The following MTUS2 variants were observed in gnomAD, a reference collection of about 807,000 sequenced individuals.
The protein encoded by MTUS2 is microtubule-associated tumor suppressor candidate 2.
MTUS2 carries 40 observed loss-of-function variants against 114.1 expected under a neutral mutation model. That is an observed-to-expected ratio of 0.35 (90% confidence interval 0.27 to 0.46). The LOEUF is 0.46. Ranked by LOEUF, MTUS2 falls within the 20% of genes least tolerant of loss-of-function variation. The probability of loss-of-function intolerance (pLI) is 1.00; values close to 1 mark genes in which losing one functional copy is unlikely to be tolerated. For synonymous variants in MTUS2, 688 were observed against 672.0 expected (o/e 1.02, Z -0.37); for missense variants, 1,679 against 1,705.4 (o/e 0.98, Z 0.27).
chr13:29,375,322 CTT>C (rs1180015947), intron 8 of MTUS2, among the ~76,000 whole-genome samples: 1 of 149,826 alleles, frequency 6.7e-6, no homozygotes, highest in African/African-American at 2.5e-5. Flanking sequence ...AAAGCCATTA[CTT>C]TTGCGGTTTT....
intron 2 of MTUS2, among the ~76,000 whole-genome samples, chr13:28,928,935 C>T (rs958347277): frequency 2.0e-4 from 31 of 152,124 alleles, no homozygotes; most frequent in Admixed American, 1.1e-3. Context: ...CTGAAACACA[C>T]GTGTACACAT....
chr13:29,141,675 C>T (rs143713377), intron 5 of MTUS2, among the ~76,000 whole-genome samples: 31 of 152,168 alleles, frequency 2.0e-4, no homozygotes, highest in African/African-American at 7.0e-4. Flanking sequence ...GTCAAAGGTG[C>T]TTAAATAAAC....
At chr13:28,900,639 G>A (rs182315855) in intron 2 of MTUS2, among the ~76,000 whole-genome samples, 6 of 152,288 alleles carry the variant, frequency 3.9e-5, no homozygotes, top group Admixed American at 3.9e-4. Context: ...CTGCTGAGTA[G>A]TAGTAATGAT....
At chr13:28,915,570 A>G (rs775137889) in intron 2 of MTUS2, among the ~76,000 whole-genome samples, 18 of 151,898 alleles carry the variant, frequency 1.2e-4, no homozygotes, top group Non-Finnish European at 2.5e-4. Flanking sequence ...ACCTTTTCAC[A>G]AGCCTGTTTG....
chr13:29,407,444 GTACTTATTTATT>G (rs1433400174), intron 8 of MTUS2, among the ~76,000 whole-genome samples: 1 of 136,482 alleles, frequency 7.3e-6, no homozygotes, highest in African/African-American at 2.7e-5. Context: ...CAGAGTGATT[GTACTTATTTATT>G]TATTTATTTA....
intron 5 of MTUS2, among the ~76,000 whole-genome samples, chr13:29,114,645 C>A (rs747657848): frequency 6.6e-5 from 10 of 152,106 alleles, no homozygotes; most frequent in Non-Finnish European, 1.5e-4. Flanking sequence ...AGTAAGATGG[C>A]CATGGTAGGG....
At position 29,186,107 on chromosome 13, in the gene MTUS2, A is replaced by C. The variant is rs565202437; in HGVS notation, c.2644+85137A>C. ...CACATGCATGTAGTCCTAGCTACTT[A>C]GGAGGCTGAGGTGGGAAGATTGCCC... On this transcript the variant is annotated intron_variant, in intron 5 of 15. Transcript: ENST00000612955. Among the ~76,000 whole-genome samples the C allele has an allele frequency of 1.9e-4, 29 of 152,284 alleles. 1 individual carries two copies. Among genetic ancestry groups the C allele is most frequent in the Middle Eastern group, 3.4e-3 (1 of 294 alleles).
intron 2 of MTUS2, among the ~76,000 whole-genome samples, chr13:28,848,601 G>A (rs1876039336): frequency 6.6e-6 from 1 of 151,722 alleles, no homozygotes; most frequent in Admixed American, 6.6e-5. Flanking sequence ...AGTAACAAGG[G>A]GTGTGATTAT....
At chr13:29,307,741 A>T in intron 6 of MTUS2, 1 of 1,114,112 alleles carries the variant, frequency 9.0e-7, no homozygotes, top group Non-Finnish European at 1.3e-6. Context: ...TGGCTACAGC[A>T]ACAGGGTGAT....
Position 28,828,627 on chromosome 13 carries a change from G to A in MTUS2, c.-316+8016G>A, listed in dbSNP as rs187067203. Among the ~76,000 whole-genome samples, 46 of 152,000 alleles carry A rather than the reference G, an allele frequency of 3.0e-4. No individual in the cohort carries two copies. The East Asian group carries it at 6.4e-3, about 21-fold the overall frequency. ...ATGGCTTCAGCCGGTCCCTCCGTTC[G>A]GGGTCCCTGACTTCCTGCAACACTC... On this transcript the variant is annotated intron_variant, in intron 1 of 15. Transcript: ENST00000612955.
intron 1 of MTUS2, among the ~76,000 whole-genome samples, chr13:28,827,400 T>G (rs1363610705): frequency 1.3e-5 from 2 of 152,224 alleles, no homozygotes. Context: ...TTGAAGTTAT[T>G]TTAATATAAA....
intron 2 of MTUS2, among the ~76,000 whole-genome samples, chr13:28,945,190 T>TATATATATACATACATAC (rs1566242156): frequency 6.7e-6 from 1 of 149,062 alleles, no homozygotes; most frequent in African/African-American, 2.6e-5. Flanking sequence ...TATATATATA[T>TATATATATACATACATAC]ATATACACCA....
intron 5 of MTUS2, among the ~76,000 whole-genome samples, chr13:29,130,991 C>T (rs1422679900): frequency 6.6e-6 from 1 of 152,136 alleles, no homozygotes; most frequent in African/African-American, 2.4e-5. Flanking sequence ...GGGAGAGATC[C>T]TCATCCCTTT....
chr13:29,304,526 G>T (rs1369730135), intron 6 of MTUS2, among the ~76,000 whole-genome samples: 1 of 151,908 alleles, frequency 6.6e-6, no homozygotes, highest in East Asian at 1.9e-4. Flanking sequence ...AACCAACAAA[G>T]ATAAAAAAAG....
chr13:29,072,694 C>T (rs1354943735), intron 4 of MTUS2, among the ~76,000 whole-genome samples: 1 of 152,124 alleles, frequency 6.6e-6, no homozygotes, highest in East Asian at 1.9e-4. Context: ...TGCTTTTGGA[C>T]CTCTGATGTT....
At chr13:29,077,177 G>C (rs1330185118) in intron 4 of MTUS2, among the ~76,000 whole-genome samples, 1 of 152,038 alleles carries the variant, frequency 6.6e-6, no homozygotes, top group Non-Finnish European at 1.5e-5. Context: ...TCTCCTTTGG[G>C]AGAGCTGTAG....
At chr13:29,403,128 A>G (rs906336796) in intron 8 of MTUS2, among the ~76,000 whole-genome samples, 1 of 152,206 alleles carries the variant, frequency 6.6e-6, no homozygotes, top group Non-Finnish European at 1.5e-5. Flanking sequence ...CTTAAGGGAT[A>G]AATAGCCCTA....
intron 8 of MTUS2, among the ~76,000 whole-genome samples, chr13:29,429,139 T>C (rs1359390710): frequency 6.6e-6 from 1 of 152,262 alleles, no homozygotes; most frequent in Non-Finnish European, 1.5e-5. Flanking sequence ...AATGTAACTG[T>C]TGCATTTTCC....
intron 2 of MTUS2, among the ~76,000 whole-genome samples, chr13:28,931,754 G>T (rs1007837279): frequency 6.6e-6 from 1 of 152,046 alleles, no homozygotes; most frequent in African/African-American, 2.4e-5. Context: ...ATGTATACAT[G>T]TGCCATGTTG....
Sources: allele counts gnomAD v4.1 joint callset (sites outside exome capture counted in the v4.1 genomes callset), GRCh38; gene constraint gnomAD v4.1.1; transcripts MANE v1.5; gene names NCBI Gene and HGNC (gene_info 2026-07-23, HGNC 2026-07-21).